PDE3A: variants seen among roughly 807,000 people sequenced by gnomAD.
PDE3A encodes phosphodiesterase 3A.
In PDE3A, 43 loss-of-function variants were observed where a neutral mutation model predicts 98.3. The ratio of observed to expected loss-of-function variants is 0.44; its 90% CI spans 0.34 to 0.56. PDE3A has a LOEUF of 0.56. PDE3A is among the 20% of genes least tolerant of loss of function. PDE3A has a pLI of 0.01. For synonymous variants in PDE3A, 663 were observed against 567.9 expected (o/e 1.17, Z -2.38); for missense variants, 1,427 against 1,440.7 (o/e 0.99, Z 0.15).
intron 1 of PDE3A, among the ~76,000 whole-genome samples, chr12:20,373,204 G>A (rs1943509747): frequency 6.6e-6 from 1 of 151,908 alleles, no homozygotes; most frequent in Non-Finnish European, 1.5e-5. Context: ...CCCAGTGTCC[G>A]CAATACTGAG....
chr12:20,633,781 A>G lies in PDE3A; in HGVS notation c.1846+3A>G. 1 of 1,558,476 alleles carries G rather than the reference A, an allele frequency of 6.4e-7. No individual in the cohort carries two copies. The highest frequency in any genetic ancestry group is 8.8e-7 in the Non-Finnish European group (1 of 1,138,002). On this transcript the variant is annotated splice_donor_region_variant and intron_variant, in intron 7 of 15. Coordinates refer to ENST00000359062, the MANE Select transcript of PDE3A (RefSeq NM_000921.5). ...CACTCGGACACCAAGTAGAACAGGTAATTCATTGTTTTGGATTCTGTTGCC... is the reference window on the plus strand; with the variant it reads ...CACTCGGACACCAAGTAGAACAGGTGATTCATTGTTTTGGATTCTGTTGCC...
intron 1 of PDE3A, among the ~76,000 whole-genome samples, chr12:20,492,480 C>T (rs1462946669): frequency 6.6e-6 from 1 of 151,978 alleles, no homozygotes; most frequent in African/African-American, 2.4e-5. Flanking sequence ...TGAGGAAGTA[C>T]CTAGTTATAG....
rs546679687 is a variant in PDE3A at position 20,525,782 on chromosome 12, A to G, written c.961-30878A>G. Among the ~76,000 whole-genome samples the G allele has an allele frequency of 2.0e-5, 3 of 152,320 alleles. No homozygotes were observed. The South Asian group carries it at 6.2e-4, about 32-fold the overall frequency. On this transcript the variant is annotated intron_variant, in intron 1 of 15. Transcript: ENST00000359062. ...AAGGTTACTAAAGAGTACTTCTAAA[A>G]GTATGAGAGGATAAAGGATTGAGAT...
intron 1 of PDE3A, among the ~76,000 whole-genome samples, chr12:20,423,909 A>G (rs1056863575): frequency 2.0e-5 from 3 of 152,160 alleles, no homozygotes; most frequent in Admixed American, 1.3e-4. Flanking sequence ...TAGGTCCTGG[A>G]AATATAGAAA....
chr12:20,496,354 A>C (rs1285162078), intron 1 of PDE3A, among the ~76,000 whole-genome samples: 2 of 152,210 alleles, frequency 1.3e-5, no homozygotes, highest in Non-Finnish European at 2.9e-5. Flanking sequence ...CACAGATGAA[A>C]ACATGGTTGG....
intron 1 of PDE3A, among the ~76,000 whole-genome samples, chr12:20,497,268 T>C (rs573633049): frequency 2.9e-4 from 44 of 152,176 alleles, no homozygotes; most frequent in African/African-American, 9.9e-4. Flanking sequence ...CTTATCTCAA[T>C]TGAAAAATGT....
At chr12:20,620,729 C>G (rs1944111797) in intron 4 of PDE3A, among the ~76,000 whole-genome samples, 1 of 151,968 alleles carries the variant, frequency 6.6e-6, no homozygotes, top group Non-Finnish European at 1.5e-5. Flanking sequence ...TGTTTAGCAT[C>G]AGCTCCATTG....
At position 20,368,832 on chromosome 12, in the gene PDE3A, C is replaced by T. The variant is rs1943395935; in HGVS notation, c.-453C>T. On this transcript the variant is annotated 5_prime_UTR_variant, in exon 1 of 16. Transcript: ENST00000359062. Reference sequence around the variant, plus strand: ...CGCAGCGCAGCGCCGAGCTGCGCCTCGGAATGGCCCGGAGCCCGCCCTGCG... The same window carrying T: ...CGCAGCGCAGCGCCGAGCTGCGCCTTGGAATGGCCCGGAGCCCGCCCTGCG... 1.3e-5 allele frequency among the ~76,000 whole-genome samples: 2 copies of T among 151,878 alleles called. No homozygotes were observed. Among genetic ancestry groups the T allele is most frequent in the South Asian group, 4.1e-4 (2 of 4,828 alleles).
At chr12:20,558,313 A>G (rs1367632512) in intron 2 of PDE3A, among the ~76,000 whole-genome samples, 5 of 152,082 alleles carry the variant, frequency 3.3e-5, no homozygotes, top group African/African-American at 7.2e-5. Flanking sequence ...AAAATGTGAG[A>G]ATTCCACATA....
intron 1 of PDE3A, among the ~76,000 whole-genome samples, chr12:20,377,089 G>GTACC (rs973149485): frequency 6.6e-6 from 1 of 151,824 alleles, no homozygotes; most frequent in Non-Finnish European, 1.5e-5. Flanking sequence ...GTGCATGTGT[G>GTACC]TACCTGTATG....
intron 1 of PDE3A, among the ~76,000 whole-genome samples, chr12:20,397,671 C>A (rs1321967696): frequency 6.6e-6 from 1 of 151,802 alleles, no homozygotes; most frequent in Non-Finnish European, 1.5e-5. Context: ...TATGCTGTTC[C>A]ATTTACTTTT....
intron 1 of PDE3A, among the ~76,000 whole-genome samples, chr12:20,502,548 G>T (rs1343825442): frequency 6.6e-6 from 1 of 152,062 alleles, no homozygotes; most frequent in Non-Finnish European, 1.5e-5. Flanking sequence ...AGTGTGATCA[G>T]GTCAGGGACT....
intron 15 of PDE3A, among the ~76,000 whole-genome samples, chr12:20,660,285 C>G (rs1945135340): frequency 6.6e-6 from 1 of 152,138 alleles, no homozygotes; most frequent in Non-Finnish European, 1.5e-5. Flanking sequence ...AATCTCTTTT[C>G]TTTGTAAATT....
In PDE3A at chr12:20,554,743, C is replaced by T. The variant is rs11045303; in HGVS notation, c.961-1917C>T. On this transcript the variant is annotated intron_variant, in intron 1 of 15. Coordinates refer to ENST00000359062, the MANE Select transcript of PDE3A (RefSeq NM_000921.5). ...CTGGGATTATAGGCGTGCCCCACCA[C>T]GCCCACCTAATTTTTGTATTTTTAG... Among the ~76,000 whole-genome samples the T allele has an allele frequency of 6.6e-5, 10 of 151,722 alleles. No individual in the cohort carries two copies. In the East Asian group the frequency reaches 2.0e-3, roughly 30 times the overall value.
intron 15 of PDE3A, among the ~76,000 whole-genome samples, chr12:20,660,358 G>C (rs981212922): frequency 2.0e-5 from 3 of 152,152 alleles, no homozygotes; most frequent in African/African-American, 4.8e-5. Context: ...GTTGGTACCA[G>C]AAGTGGGGTG....
intron 1 of PDE3A, among the ~76,000 whole-genome samples, chr12:20,488,022 C>T (rs920683805): frequency 2.0e-5 from 3 of 152,114 alleles, no homozygotes; most frequent in African/African-American, 7.2e-5. Flanking sequence ...CATATTCCTT[C>T]CTATTGACAT....
chr12:20,457,021 T>C (rs1008659902), intron 1 of PDE3A, among the ~76,000 whole-genome samples: 6 of 152,008 alleles, frequency 3.9e-5, no homozygotes, highest in African/African-American at 1.4e-4. Context: ...TTTTATACAG[T>C]CAAATCAAAC....
At chr12:20,488,894 A>G (rs1056369706) in intron 1 of PDE3A, among the ~76,000 whole-genome samples, 5 of 151,584 alleles carry the variant, frequency 3.3e-5, no homozygotes, top group African/African-American at 4.8e-5. Flanking sequence ...AAAAAAAAAA[A>G]AGAGAAAAAG....
At chr12:20,615,679 T>G (rs570430143) in intron 3 of PDE3A, among the ~76,000 whole-genome samples, 74 of 152,260 alleles carry the variant, frequency 4.9e-4, no homozygotes, top group African/African-American at 1.8e-3. Context: ...TATAATCACA[T>G]ATTTGTATAA....
Sources: gnomAD v4.1 joint callset for allele counts (sites outside exome capture counted in the v4.1 genomes callset) on GRCh38, gnomAD v4.1.1 for gene constraint, MANE v1.5 for transcripts, NCBI Gene and HGNC (gene_info 2026-07-23, HGNC 2026-07-21) for gene names.